GTF2F2: variants seen among roughly 807,000 people sequenced by gnomAD.
GTF2F2 encodes general transcription factor IIF subunit 2, also known as ATP-dependent helicase GTF2F2.
Under a neutral mutation model 42.2 loss-of-function variants are expected in GTF2F2, and 23 were observed. The observed-to-expected ratio is 0.55, with a 90% CI of 0.39 to 0.77. The LOEUF (loss-of-function observed/expected upper bound fraction) is 0.77. Among genes scored for constraint, GTF2F2 ranks in the 30% least tolerant of loss-of-function variants. GTF2F2 has a pLI of 0.00. For synonymous variants in GTF2F2, 105 were observed against 100.8 expected (o/e 1.04, Z -0.25); for missense variants, 261 against 287.2 (o/e 0.91, Z 0.66).
At position 45,120,865 on chromosome 13, in the gene GTF2F2, ATTG is replaced by A; in HGVS notation, c.66+149_66+151del. 13 of 644,924 alleles carry A rather than the reference ATTG, an allele frequency of 2.0e-5. No individual in the cohort carries two copies. The South Asian group carries it at 2.2e-4, about 11-fold the overall frequency. 40.0% of individuals were successfully genotyped at this position (644,924 alleles called of 1,614,324 possible). On this transcript the variant is annotated intron_variant, in intron 1 of 7. Coordinates refer to ENST00000340473, the MANE Select transcript of GTF2F2 (RefSeq NM_004128.3). Reference sequence around the variant, plus strand: ...TCACACATTTTGAGAGGCAGGAGTCATTGTTGTATCTGTTTGCAGACGAGGAAT... The same window carrying A: ...TCACACATTTTGAGAGGCAGGAGTCATTGTATCTGTTTGCAGACGAGGAAT...
chr13:45,262,173 A>G (rs889515632), intron 6 of GTF2F2, among the ~76,000 whole-genome samples: 1 of 152,126 alleles, frequency 6.6e-6, no homozygotes, highest in African/African-American at 2.4e-5. Flanking sequence ...GGAGTTTGAG[A>G]CCAACCTCGG....
intron 4 of GTF2F2, among the ~76,000 whole-genome samples, chr13:45,189,195 T>G (rs1872537785): frequency 6.6e-6 from 1 of 152,174 alleles, no homozygotes; most frequent in Admixed American, 6.5e-5. Context: ...GAATGATGGT[T>G]TCCAGCTTCA....
intron 1 of GTF2F2, among the ~76,000 whole-genome samples, chr13:45,125,235 A>G (rs1199572250): frequency 6.6e-6 from 1 of 152,250 alleles, no homozygotes; most frequent in Non-Finnish European, 1.5e-5. Flanking sequence ...AAGCATGGAA[A>G]TAGTGATTCA....
At chr13:45,241,616 A>G (rs1298252867) in intron 5 of GTF2F2, among the ~76,000 whole-genome samples, 2 of 152,168 alleles carry the variant, frequency 1.3e-5, no homozygotes, top group African/African-American at 4.8e-5. Flanking sequence ...TCAAGTCAAT[A>G]ATGGAGTATT....
At chr13:45,158,601 A>G (rs1007067168) in intron 4 of GTF2F2, among the ~76,000 whole-genome samples, 1 of 151,896 alleles carries the variant, frequency 6.6e-6, no homozygotes, top group African/African-American at 2.4e-5. Flanking sequence ...TCTGTCAGGG[A>G]TTTGTCTTCT....
chr13:45,148,066 C>T (rs1310204238), intron 2 of GTF2F2, among the ~76,000 whole-genome samples: 1 of 152,136 alleles, frequency 6.6e-6, no homozygotes, highest in Non-Finnish European at 1.5e-5. Flanking sequence ...GTACCATGTA[C>T]GTAGCACAAT....
intron 6 of GTF2F2, among the ~76,000 whole-genome samples, chr13:45,253,707 C>A (rs1198356690): frequency 1.3e-5 from 2 of 152,194 alleles, no homozygotes; most frequent in East Asian, 3.8e-4. Context: ...TCCAGTATAT[C>A]CACATTGTAT....
chr13:45,266,376 G>A (rs539563330), intron 6 of GTF2F2, among the ~76,000 whole-genome samples: 5 of 152,272 alleles, frequency 3.3e-5, no homozygotes, highest in African/African-American at 1.2e-4. Context: ...TATTGTATGG[G>A]AAGAGAAACA....
rs1343870277 is a variant in GTF2F2 at position 45,212,453 on chromosome 13, T to TTCTTTCTTTTCTTTTCTTTTC, written c.386+4957_386+4958insTCTTTTCTTTTCTCTTTCTTT. 3.6e-3 allele frequency among the ~76,000 whole-genome samples: 250 copies of TTCTTTCTTTTCTTTTCTTTTC among 68,652 alleles called. 12 individuals carry two copies. Among genetic ancestry groups the TTCTTTCTTTTCTTTTCTTTTC allele is most frequent in the African/African-American group, 0.015 (223 of 15,228 alleles). The allele number at this position is 68,652 out of a possible 152,430, so 45.0% of individuals were successfully genotyped here. A position where few individuals can be genotyped will look rare whatever the true frequency, so the allele number is the denominator to read the frequency against. On this transcript the variant is annotated intron_variant, in intron 5 of 7. Transcript: ENST00000340473. The stretch of plus-strand genomic sequence containing the variant: ...CTTTCTTTCTTTCTTTCTTGTTTCT[T>TTCTTTCTTTTCTTTTCTTTTC]TCTTTCTTTCTTTCTTTCTTTCTTT...
Position 45,120,626 on chromosome 13 carries a change from A to G in GTF2F2, c.-30A>G, listed in dbSNP as rs1355754224. ...CTGCGGCTCCTGGGGTCGCTGCTGC[A>G]TCCCGCACGCCTCCACCGGCTGCAG... On this transcript the variant is annotated 5_prime_UTR_variant, in exon 1 of 8. Coordinates refer to ENST00000340473, the MANE Select transcript of GTF2F2 (RefSeq NM_004128.3). 2.6e-6 allele frequency: 4 copies of G among 1,539,866 alleles called. No individual in the cohort carries two copies. In the South Asian group the frequency reaches 3.6e-5, roughly 14 times the overall value.
chr13:45,249,603 A>G (rs1875789604), intron 5 of GTF2F2, among the ~76,000 whole-genome samples: 1 of 152,230 alleles, frequency 6.6e-6, no homozygotes. Flanking sequence ...GCACTTCACT[A>G]AACAAACTGA....
At chr13:45,194,159 G>A in intron 4 of GTF2F2, 1 of 1,614,118 alleles carries the variant, frequency 6.2e-7, no homozygotes, top group Non-Finnish European at 8.5e-7. Flanking sequence ...GTCTCTCTGG[G>A]TGTTAGCTGT....
intron 5 of GTF2F2, among the ~76,000 whole-genome samples, chr13:45,226,678 A>T (rs1200683664): frequency 6.6e-6 from 1 of 152,062 alleles, no homozygotes; most frequent in African/African-American, 2.4e-5. Context: ...CTCCAGTAAA[A>T]TTTTTTTGCT....
intron 7 of GTF2F2, among the ~76,000 whole-genome samples, chr13:45,279,869 C>G (rs1157432942): frequency 6.6e-6 from 1 of 152,162 alleles, no homozygotes; most frequent in East Asian, 1.9e-4. Context: ...CATGCCATTG[C>G]ACTCCAGCCT....
chr13:45,236,475 AC>A (rs951949565), intron 5 of GTF2F2, among the ~76,000 whole-genome samples: 8 of 144,186 alleles, frequency 5.5e-5, no homozygotes, highest in African/African-American at 2.1e-4. Context: ...TTGATTCCTC[AC>A]CCCCCGCCAC....
intron 2 of GTF2F2, among the ~76,000 whole-genome samples, chr13:45,137,795 A>G (rs957863995): frequency 2.0e-5 from 3 of 151,980 alleles, no homozygotes; most frequent in Non-Finnish European, 4.4e-5. Flanking sequence ...GGGAAAACAG[A>G]CTCCACCTTT....
At chr13:45,221,782 T>C (rs1485092694) in intron 5 of GTF2F2, among the ~76,000 whole-genome samples, 1 of 152,236 alleles carries the variant, frequency 6.6e-6, no homozygotes, top group Non-Finnish European at 1.5e-5. Flanking sequence ...AGAACTTTGA[T>C]CTGATCCTGA....
At chr13:45,223,716 C>T (rs1211115039) in intron 5 of GTF2F2, among the ~76,000 whole-genome samples, 1 of 152,164 alleles carries the variant, frequency 6.6e-6, no homozygotes, top group Non-Finnish European at 1.5e-5. Flanking sequence ...TCCCCCATGT[C>T]AGCTCTAAAT....
intron 5 of GTF2F2, among the ~76,000 whole-genome samples, chr13:45,217,010 G>A (rs1336600394): frequency 6.6e-6 from 1 of 151,912 alleles, no homozygotes; most frequent in Non-Finnish European, 1.5e-5. Context: ...TTAAGATTCA[G>A]CTCAAATGGG....
Sources: gnomAD v4.1 joint callset for allele counts (sites outside exome capture counted in the v4.1 genomes callset) on GRCh38, gnomAD v4.1.1 for gene constraint, MANE v1.5 for transcripts, NCBI Gene and HGNC (gene_info 2026-07-23, HGNC 2026-07-21) for gene names.